Variants in PRPSAP1 observed in about 807,000 individuals in gnomAD.
PRPSAP1 encodes phosphoribosyl pyrophosphate synthase-associated protein 1.
PRPSAP1 carries 31 observed loss-of-function variants against 39.4 expected under a neutral mutation model. That is an observed-to-expected ratio of 0.79 (90% CI 0.59 to 1.06). The LOEUF (loss-of-function observed/expected upper bound fraction) is 1.06. Among genes scored for constraint, PRPSAP1 ranks in the 50% least tolerant of loss-of-function variants. PRPSAP1 has a pLI of 0.00. For missense variants in PRPSAP1, 430 were observed against 511.6 expected (o/e 0.84, Z 1.54); for synonymous variants, 212 against 192.6 (o/e 1.10, Z -0.83).
chr17:76,337,895 G>A (rs978809646), intron 3 of PRPSAP1, among the ~76,000 whole-genome samples: 4 of 152,022 alleles, frequency 2.6e-5, no homozygotes, highest in Non-Finnish European at 5.9e-5. Flanking sequence ...GTGAGCCACC[G>A]TGCCCAGCTG....
chr17:76,329,138 T>C (rs571581288), intron 6 of PRPSAP1, among the ~76,000 whole-genome samples: 1 of 151,538 alleles, frequency 6.6e-6, no homozygotes, highest in African/African-American at 2.4e-5. Context: ...GGCGTCAACA[T>C]GGCTCACTGC....
chr17:76,343,137 G>C (rs2071457994), intron 3 of PRPSAP1, among the ~76,000 whole-genome samples: 1 of 152,192 alleles, frequency 6.6e-6, no homozygotes, highest in Non-Finnish European at 1.5e-5. Flanking sequence ...GTAGCACTCA[G>C]TGCCATTCTT....
At chr17:76,351,322 C>T (rs2071567586) in intron 1 of PRPSAP1, among the ~76,000 whole-genome samples, 1 of 152,066 alleles carries the variant, frequency 6.6e-6, no homozygotes, top group South Asian at 2.1e-4. Context: ...TGAGACCAAC[C>T]TGGCTAACAC....
chr17:76,331,901 A>T (rs1192288946), intron 4 of PRPSAP1, among the ~76,000 whole-genome samples: 1 of 152,186 alleles, frequency 6.6e-6, no homozygotes, highest in Non-Finnish European at 1.5e-5. Flanking sequence ...CTTGAATACT[A>T]TGAACAAAAA....
chr17:76,353,425 C>T (rs1216576688), intron 1 of PRPSAP1, 109 bp downstream of exon 1: 3 of 1,139,030 alleles, frequency 2.6e-6, no homozygotes, highest in African/African-American at 1.7e-5. Context: ...CCCGCGCCTC[C>T]CGCCCCAGGT....
intron 9 of PRPSAP1, among the ~76,000 whole-genome samples, chr17:76,311,949 C>T (rs767279153): frequency 1.3e-5 from 2 of 152,058 alleles, no homozygotes; most frequent in Non-Finnish European, 2.9e-5. Context: ...CACAGTGAGC[C>T]CCAGTGCTAT....
chr17:76,323,598 G>A (rs777547925), intron 7 of PRPSAP1, among the ~76,000 whole-genome samples: 1 of 152,138 alleles, frequency 6.6e-6, no homozygotes, highest in Non-Finnish European at 1.5e-5. Context: ...GTGGTGGAAA[G>A]AGCAAAAGAA....
At chr17:76,345,847 A>G in intron 2 of PRPSAP1, 1 of 400,236 alleles carries the variant, frequency 2.5e-6, no homozygotes, top group South Asian at 2.0e-5. Context: ...CATGCCCAAG[A>G]GAAAGGCTGA....
chr17:76,313,559 G>A (rs2071091186), intron 8 of PRPSAP1: 1 of 440,432 alleles, frequency 2.3e-6, no homozygotes, highest in Non-Finnish European at 4.1e-6. Context: ...CTGGTTTAAA[G>A]AACCTAGAAT....
chr17:76,314,046 C>T, intron 7 of PRPSAP1, 155 bp from the exon 8 acceptor site: 2 of 729,078 alleles, frequency 2.7e-6, no homozygotes, highest in African/African-American at 1.7e-5. Context: ...CCTGCAATCT[C>T]TCAGAAACAG....
chr17:76,346,337 G>A (rs1346315335), intron 2 of PRPSAP1, among the ~76,000 whole-genome samples: 3 of 152,208 alleles, frequency 2.0e-5, no homozygotes, highest in African/African-American at 7.2e-5. Context: ...ACTTCCTCTC[G>A]GCTCCCAGGA....
At chr17:76,347,039 G>A (rs879347115) in intron 2 of PRPSAP1, among the ~76,000 whole-genome samples, 3 of 152,030 alleles carry the variant, frequency 2.0e-5, no homozygotes, top group African/African-American at 4.8e-5. Flanking sequence ...TGCCAGAGAC[G>A]CTAGCCATGA....
chr17:76,345,087 T>G (rs1350884510), intron 2 of PRPSAP1, among the ~76,000 whole-genome samples: 2 of 150,822 alleles, frequency 1.3e-5, no homozygotes, highest in Non-Finnish European at 1.5e-5. Flanking sequence ...CACAAAAAAT[T>G]AGCCGGGCGT....
chr17:76,340,851 G>T (rs1055259063), intron 3 of PRPSAP1, among the ~76,000 whole-genome samples: 2 of 146,832 alleles, frequency 1.4e-5, no homozygotes, highest in Non-Finnish European at 3.0e-5. Flanking sequence ...GCAGTGAACC[G>T]AGATCGCGCC....
At chr17:76,330,696 T>G in intron 4 of PRPSAP1, 30 bp from the exon 5 acceptor site, 2 of 1,474,458 alleles carry the variant, frequency 1.4e-6, no homozygotes, top group Non-Finnish European at 1.9e-6. Flanking sequence ...AATTACAAAG[T>G]TCACCCCTAC....
intron 3 of PRPSAP1, among the ~76,000 whole-genome samples, chr17:76,334,338 A>G (rs936554492): frequency 1.3e-5 from 2 of 152,244 alleles, no homozygotes; most frequent in Non-Finnish European, 2.9e-5. Context: ...CAAAGCAGAA[A>G]GCCTGCCATA....
rs1234105900 is a variant in PRPSAP1 at position 76,353,883 on chromosome 17, C to G, written c.-180G>C. ...ACTGACTACAGCGGCCGAGCCTTCG[C>G]AGCGCCCGGCGCCGCCGCCTCAGAG... On this transcript the variant is annotated 5_prime_UTR_variant, in exon 1 of 10. Transcript: ENST00000446526. 28 of 1,314,274 alleles carry G rather than the reference C, an allele frequency of 2.1e-5. No homozygotes were observed. The highest frequency in any genetic ancestry group is 2.7e-5 in the Non-Finnish European group (28 of 1,035,936). The allele number at this position is 1,314,274 out of a possible 1,614,324, so 81.4% of individuals were successfully genotyped here. A position where few individuals can be genotyped will look rare whatever the true frequency, so the allele number is the denominator to read the frequency against.
At chr17:76,345,129 G>A (rs933426255) in intron 2 of PRPSAP1, among the ~76,000 whole-genome samples, 1 of 151,034 alleles carries the variant, frequency 6.6e-6, no homozygotes, top group Non-Finnish European at 1.5e-5. Context: ...CAGCTACTCG[G>A]GAGGCTGAGG....
chr17:76,333,124 C>T (rs2071342546), intron 3 of PRPSAP1, among the ~76,000 whole-genome samples: 1 of 150,668 alleles, frequency 6.6e-6, no homozygotes, highest in Admixed American at 6.6e-5. Context: ...ATCTCCTGAC[C>T]TTTTGAGATG....
Sources: allele counts gnomAD v4.1 joint callset (sites outside exome capture counted in the v4.1 genomes callset), GRCh38; gene constraint gnomAD v4.1.1; transcripts MANE v1.5; gene names NCBI Gene and HGNC (gene_info 2026-07-23, HGNC 2026-07-21).